DLC1: variants seen among roughly 807,000 people sequenced by gnomAD.
DLC1 encodes DLC1 Rho GTPase activating protein.
DLC1 carries 54 observed loss-of-function variants against 140.3 expected under a neutral mutation model. The observed-to-expected ratio is 0.38, with a 90% CI of 0.31 to 0.48. The LOEUF is 0.48. DLC1 is among the 20% of genes least tolerant of loss of function. DLC1 has a pLI of 0.96. For missense variants in DLC1, 2,536 were observed against 1,907.0 expected, an observed-to-expected ratio of 1.33 and a Z score of -6.14; for synonymous variants, 986 against 728.1, an observed-to-expected ratio of 1.35 and a Z score of -5.70.
chr8:13,094,250 G>C (rs1036061459), intron 12 of DLC1, among the ~76,000 whole-genome samples: 1 of 152,162 alleles, frequency 6.6e-6, no homozygotes, highest in African/African-American at 2.4e-5. Context: ...ATTAGAGACT[G>C]GGAAATTTAT....
intron 5 of DLC1, among the ~76,000 whole-genome samples, chr8:13,298,810 C>T (rs1216286706): frequency 6.6e-6 from 1 of 152,134 alleles, no homozygotes; most frequent in African/African-American, 2.4e-5. Flanking sequence ...CAAACATCTG[C>T]ATCAAGCAAT....
In DLC1 at chr8:13,476,763, G is replaced by A. The variant is rs75120096; in HGVS notation, c.1023+22286C>T. On this transcript the variant is annotated intron_variant, in intron 2 of 17. Transcript: ENST00000276297. ...TTGAACACAATGACAAATGTTCAACGGTAAAAAAACCCACTGAATTAATGA... is the reference window on the plus strand; with the variant it reads ...TTGAACACAATGACAAATGTTCAACAGTAAAAAAACCCACTGAATTAATGA... Among the ~76,000 whole-genome samples the A allele has an allele frequency of 3.0e-3, 459 of 151,588 alleles. 3 individuals are homozygous for A. The highest frequency in any genetic ancestry group is 5.0e-3 in the Non-Finnish European group (336 of 67,876).
Position 13,168,967 on chromosome 8 carries a change from G to A in DLC1, c.1349-53310C>T, listed in dbSNP as rs141244454. Among the ~76,000 whole-genome samples, 1,001 of 152,290 alleles carry A rather than the reference G, an allele frequency of 6.6e-3. 16 individuals are homozygous for A. The highest frequency in any genetic ancestry group is 0.023 in the African/African-American group (957 of 41,544). On this transcript the variant is annotated intron_variant, in intron 5 of 17. Transcript: ENST00000276297. ...ATCATAATGTTAGGGGGAGCACATA[G>A]TCCTCTTTGCATTGTAGAAAAGGTC...
chr8:13,112,390 G>T (rs898593167), intron 6 of DLC1, among the ~76,000 whole-genome samples: 15 of 152,150 alleles, frequency 9.9e-5, no homozygotes, highest in African/African-American at 3.6e-4. Flanking sequence ...ATATCAGAAT[G>T]AGTATAAAGT....
At chr8:13,577,655 T>C (rs1301757797) in intron 1 of DLC1, among the ~76,000 whole-genome samples, 1 of 152,236 alleles carries the variant, frequency 6.6e-6, no homozygotes, top group Non-Finnish European at 1.5e-5. Flanking sequence ...TTATATAAAT[T>C]ATACGAATAA....
chr8:13,351,174 T>C (rs1028224490), intron 4 of DLC1, among the ~76,000 whole-genome samples: 7 of 152,234 alleles, frequency 4.6e-5, no homozygotes, highest in African/African-American at 1.7e-4. Flanking sequence ...CAAACATGTG[T>C]ATAGTATCTG....
At chr8:13,433,726 A>G (rs1439909066) in intron 2 of DLC1, among the ~76,000 whole-genome samples, 1 of 152,212 alleles carries the variant, frequency 6.6e-6, no homozygotes, top group East Asian at 1.9e-4. Flanking sequence ...TGACTCAATT[A>G]TATCTCTCTT....
Position 13,084,673 on chromosome 8 carries a change from C to G in DLC1, c.*1138G>C, listed in dbSNP as rs1237774668. 6.7e-6 allele frequency: 1 copy of G among 149,846 alleles called. No individual in the cohort carries two copies. The highest frequency in any genetic ancestry group is 1.5e-5 in the Non-Finnish European group (1 of 67,428). 9.3% of individuals were successfully genotyped at this position (149,846 alleles called of 1,614,324 possible). A position where few individuals can be genotyped will look rare whatever the true frequency, so the allele number is the denominator to read the frequency against. On this transcript the variant is annotated 3_prime_UTR_variant, in exon 18 of 18. Transcript: ENST00000276297. Reference sequence around the variant, plus strand: ...GACAAAAAGTCATAAAACCAGAAAACCTATTTGCTGATAAGAACAAGCCCA... The same window carrying G: ...GACAAAAAGTCATAAAACCAGAAAAGCTATTTGCTGATAAGAACAAGCCCA...
At chr8:13,393,498 C>T (rs185063892) in intron 4 of DLC1, 55 bp downstream of exon 4, 5 of 1,548,634 alleles carry the variant, frequency 3.2e-6, no homozygotes, top group East Asian at 4.5e-5. Flanking sequence ...CAACTCTTAC[C>T]TGATGATCAT....
intron 4 of DLC1, among the ~76,000 whole-genome samples, chr8:13,366,090 T>A (rs1322457255): frequency 6.6e-6 from 1 of 152,202 alleles, no homozygotes; most frequent in East Asian, 1.9e-4. Context: ...AAGTGCTGCA[T>A]AAAGACCACA....
At chr8:13,325,640 C>T (rs189606440) in intron 4 of DLC1, among the ~76,000 whole-genome samples, 1 of 152,244 alleles carries the variant, frequency 6.6e-6, no homozygotes, top group African/African-American at 2.4e-5. Context: ...AGACCAACCT[C>T]TGAAAACATG....
At chr8:13,464,808 T>A (rs1308974306) in intron 2 of DLC1, among the ~76,000 whole-genome samples, 1 of 147,970 alleles carries the variant, frequency 6.8e-6, no homozygotes, top group Non-Finnish European at 1.5e-5. Context: ...TTAAATAAGG[T>A]TTTAGTTAGT....
At chr8:13,138,785 T>C (rs1353149300) in intron 5 of DLC1, among the ~76,000 whole-genome samples, 1 of 152,172 alleles carries the variant, frequency 6.6e-6, no homozygotes, top group Non-Finnish European at 1.5e-5. Context: ...TTTAGCCTTT[T>C]CAGAATTTGT....
chr8:13,260,291 G>T (rs1305633378), intron 5 of DLC1, among the ~76,000 whole-genome samples: 1 of 152,194 alleles, frequency 6.6e-6, no homozygotes, highest in Non-Finnish European at 1.5e-5. Flanking sequence ...ATAGAGACAA[G>T]CTCAGAAGAT....
intron 5 of DLC1, among the ~76,000 whole-genome samples, chr8:13,122,116 T>C (rs944400595): frequency 3.9e-5 from 6 of 152,124 alleles, no homozygotes; most frequent in Admixed American, 3.9e-4. Context: ...CCTTCAAGGA[T>C]CCCCGAGCCA....
chr8:13,477,855 GA>G (rs74565514), intron 2 of DLC1, among the ~76,000 whole-genome samples: 11,351 of 147,682 alleles, frequency 0.077, 625 homozygotes, highest in East Asian at 0.23. Context: ...TAAATCGTTA[GA>G]AAAAAAAAAT....
At chr8:13,177,979 A>G (rs1825843302) in intron 5 of DLC1, among the ~76,000 whole-genome samples, 1 of 152,216 alleles carries the variant, frequency 6.6e-6, no homozygotes, top group Non-Finnish European at 1.5e-5. Flanking sequence ...GGAAATATTT[A>G]AGATAATAAG....
intron 5 of DLC1, among the ~76,000 whole-genome samples, chr8:13,166,156 C>G (rs1294656460): frequency 6.6e-6 from 1 of 152,044 alleles, no homozygotes; most frequent in African/African-American, 2.4e-5. Context: ...CTTTTTTGAC[C>G]ACATACTCCT....
rs746073915 is a variant in DLC1, at chr8:13,305,289, A to G, written c.1328T>C (p.Ile443Thr). ...TKPKTTAIQG[I>T]SEKEKAEIEA... Reference sequence around the variant, plus strand: ...CTTACCAGCCTTTTCCTTCTCTGAAATACCTTGAATAGCCTGAAAAAAAAG... The same window carrying G: ...CTTACCAGCCTTTTCCTTCTCTGAAGTACCTTGAATAGCCTGAAAAAAAAG... Residue 443 changes from isoleucine (I) to threonine (T), a missense_variant, in exon 5 of 18, where the codon ATT becomes ACT. Transcript: ENST00000276297. 1 of 1,606,836 alleles carries G rather than the reference A, an allele frequency of 6.2e-7. No individual in the cohort carries two copies.
Sources: allele counts gnomAD v4.1 joint callset (sites outside exome capture counted in the v4.1 genomes callset), GRCh38; gene constraint gnomAD v4.1.1; transcripts MANE v1.5; gene names NCBI Gene and HGNC (gene_info 2026-07-23, HGNC 2026-07-21).